The following MTMR8 variants were observed in gnomAD, a reference collection of about 807,000 sequenced individuals.
MTMR8 encodes myotubularin related protein 8, also known as phosphatidylinositol-3,5-bisphosphate 3-phosphatase MTMR8.
In MTMR8, 65 loss-of-function variants were observed where a neutral mutation model predicts 39.3. That is an observed-to-expected ratio of 1.65 (90% CI 1.35 to 2.03). The LOEUF (loss-of-function observed/expected upper bound fraction) is 2.03. Among genes scored for constraint, MTMR8 ranks in the 30% most tolerant of loss-of-function variants. MTMR8 has a pLI of 0.00. For synonymous variants in MTMR8, 245 were observed against 185.2 expected (o/e 1.32, Z -2.62); for missense variants, 777 against 538.9 (o/e 1.44, Z -4.37).
At chrX:64,319,508 G>A (rs1044526414) in intron 12 of MTMR8, among the ~76,000 whole-genome samples, 4 of 111,954 alleles carry the variant, frequency 3.6e-5, no homozygotes, top group Non-Finnish European at 7.5e-5. Context: ...TATTGCCTAG[G>A]TTTTCTTCTA....
intron 12 of MTMR8, among the ~76,000 whole-genome samples, chrX:64,327,318 G>T (rs1922822788): frequency 9.0e-6 from 1 of 111,556 alleles, no homozygotes; most frequent in Admixed American, 9.5e-5. Context: ...GAATATATAA[G>T]AAACTCAACT....
chrX:64,330,207 G>A (rs1922905825), intron 11 of MTMR8, among the ~76,000 whole-genome samples: 1 of 111,731 alleles, frequency 9.0e-6, no homozygotes, highest in Admixed American at 9.5e-5. Context: ...TTTAAGAGAA[G>A]GAAAAAGATT....
At chrX:64,387,710 T>C (rs1407288042) in intron 1 of MTMR8, among the ~76,000 whole-genome samples, 1 of 89,215 alleles carries the variant, frequency 1.1e-5, no homozygotes, top group Non-Finnish European at 2.2e-5. Context: ...GAGAGAGAGA[T>C]TGGGGGGAGA....
chrX:64,337,193 TG>T (rs1376324161), intron 9 of MTMR8, 74 bp downstream of exon 9: 18 of 1,087,542 alleles, frequency 1.7e-5, no homozygotes, highest in Non-Finnish European at 1.9e-5. Context: ...AAAAAAATAT[TG>T]TTTGACAGTT....
At chrX:64,288,472 G>T (rs993496584) in intron 12 of MTMR8, among the ~76,000 whole-genome samples, 1 of 111,493 alleles carries the variant, frequency 9.0e-6, no homozygotes, top group African/African-American at 3.3e-5. Flanking sequence ...ATTCCTCAGG[G>T]ATCTAGAACT....
chrX:64,300,451 A>G (rs1414854753), intron 12 of MTMR8, among the ~76,000 whole-genome samples: 6 of 110,108 alleles, frequency 5.4e-5, no homozygotes, highest in Non-Finnish European at 9.5e-5. Context: ...CCATCCTTTT[A>G]TTTTGAGCCT....
At chrX:64,393,593 A>T (rs967747343) in intron 1 of MTMR8, among the ~76,000 whole-genome samples, 8 of 112,049 alleles carry the variant, frequency 7.1e-5, no homozygotes, top group Non-Finnish European at 1.5e-4. Flanking sequence ...GTGGGTTGGG[A>T]GAAGAGGGAG....
intron 6 of MTMR8, among the ~76,000 whole-genome samples, chrX:64,348,420 G>T (rs1320211433): frequency 1.8e-5 from 2 of 111,569 alleles, no homozygotes; most frequent in Admixed American, 1.9e-4. Flanking sequence ...TTCTATGCAG[G>T]ACGTCACACT....
At chrX:64,279,623 G>GA (rs200464971) in intron 12 of MTMR8, among the ~76,000 whole-genome samples, 1,150 of 111,665 alleles carry the variant, frequency 0.01, 16 homozygotes, top group African/African-American at 0.031. Flanking sequence ...TACAGAAATG[G>GA]AAAAAATACA....
intron 12 of MTMR8, among the ~76,000 whole-genome samples, chrX:64,282,438 T>A (rs1166062696): frequency 9.0e-6 from 1 of 110,689 alleles, no homozygotes. Context: ...CAAACCACCA[T>A]GGCACACGTT....
chrX:64,368,475 C>T (rs1924039116), intron 1 of MTMR8, among the ~76,000 whole-genome samples: 1 of 111,709 alleles, frequency 9.0e-6, no homozygotes, highest in African/African-American at 3.3e-5. Flanking sequence ...ACCATCTGAT[C>T]TTTGACAAAC....
chrX:64,284,624 T>C (rs1921085898), intron 12 of MTMR8, among the ~76,000 whole-genome samples: 1 of 111,761 alleles, frequency 8.9e-6, no homozygotes, highest in South Asian at 3.8e-4. Context: ...ACAGAGAATC[T>C]CTCAGCAGAA....
intron 12 of MTMR8, among the ~76,000 whole-genome samples, chrX:64,311,231 T>G (rs1404014096): frequency 1.8e-5 from 2 of 112,164 alleles, no homozygotes; most frequent in Non-Finnish European, 3.8e-5. Flanking sequence ...TGGTTTTGAT[T>G]TGCATTTCTC....
At chrX:64,329,838 G>A (rs1413909383) in intron 11 of MTMR8, among the ~76,000 whole-genome samples, 2 of 111,668 alleles carry the variant, frequency 1.8e-5, no homozygotes, top group Non-Finnish European at 3.8e-5. Context: ...GCGTTGGTAA[G>A]GTAACTAATT....
Position 64,395,352 on chromosome X carries a change from A to T in MTMR8, c.12T>A (p.Ile4=). 8.3e-7 allele frequency: 1 copy of T among 1,210,425 alleles called. No homozygotes were observed. The highest frequency in any genetic ancestry group is 1.1e-6 in the Non-Finnish European group (1 of 894,976). ...CTCTTCTCCTTACCTTGGGTACCGTAATATGATCCATGACTGCAGTTCCCG... is the reference window on the plus strand; with the variant it reads ...CTCTTCTCCTTACCTTGGGTACCGTTATATGATCCATGACTGCAGTTCCCG... MDH[I]TVPKVENVKL... Residue 4 remains isoleucine (I), a synonymous_variant, in exon 1 of 14, where the codon ATT becomes ATA. Coordinates refer to ENST00000374852, the MANE Select transcript of MTMR8 (RefSeq NM_017677.4).
chrX:64,372,913 G>C (rs1924165464), intron 1 of MTMR8, among the ~76,000 whole-genome samples: 1 of 111,579 alleles, frequency 9.0e-6, no homozygotes, highest in African/African-American at 3.3e-5. Context: ...TAAAGGAAAA[G>C]AGTACTTCAT....
At chrX:64,281,031 G>T (rs561016388) in intron 12 of MTMR8, among the ~76,000 whole-genome samples, 1 of 111,057 alleles carries the variant, frequency 9.0e-6, no homozygotes, top group African/African-American at 3.3e-5. Flanking sequence ...ATAAACCACT[G>T]CTCAAGGAAA....
intron 12 of MTMR8, among the ~76,000 whole-genome samples, chrX:64,291,773 T>C (rs1459813136): frequency 9.0e-6 from 1 of 111,713 alleles, no homozygotes; most frequent in African/African-American, 3.3e-5. Flanking sequence ...ATGGCATTCT[T>C]CTGTACTGAA....
At position 64,342,162 on chromosome X, in the gene MTMR8, G is replaced by A. The variant is rs190570974; in HGVS notation, c.975+1449C>T. 4.8e-4 allele frequency among the ~76,000 whole-genome samples: 54 copies of A among 112,485 alleles called. No individual in the cohort carries two copies. In the East Asian group the frequency reaches 0.013, roughly 27 times the overall value. On this transcript the variant is annotated intron_variant, in intron 8 of 13. Transcript: ENST00000374852. ...TAACTTTAGTAGCAATTTGGTTCCC[G>A]AACTAAAGAGTAACTACTAGAGACA...
Sources: allele counts gnomAD v4.1 joint callset (sites outside exome capture counted in the v4.1 genomes callset), GRCh38; gene constraint gnomAD v4.1.1; transcripts MANE v1.5; gene names NCBI Gene and HGNC (gene_info 2026-07-23, HGNC 2026-07-21).